DIP2A: variants seen among roughly 807,000 people sequenced by gnomAD.
DIP2A encodes the protein DIP2 acetate--CoA ligase A, also known as disco-interacting protein 2 homolog A.
Under a neutral mutation model 177.4 loss-of-function variants are expected in DIP2A, and 85 were observed. The observed-to-expected ratio is 0.48, with a 90% confidence interval of 0.40 to 0.57. The LOEUF is 0.57. Among genes scored for constraint, DIP2A ranks in the 20% least tolerant of loss-of-function variants. DIP2A has a pLI of 0.00. For missense variants in DIP2A, 1,791 were observed against 2,100.2 expected, an observed-to-expected ratio of 0.85 and a Z score of 2.88; for synonymous variants, 886 against 881.8, an observed-to-expected ratio of 1.00 and a Z score of -0.08.
At chr21:46,472,973 G>C (rs1289620980) in intron 1 of DIP2A, among the ~76,000 whole-genome samples, 1 of 152,218 alleles carries the variant, frequency 6.6e-6, no homozygotes, top group Non-Finnish European at 1.5e-5. Flanking sequence ...AATGTGGGTA[G>C]TGGGACGAGG....
intron 3 of DIP2A, among the ~76,000 whole-genome samples, chr21:46,496,145 C>G (rs2057347413): frequency 6.6e-6 from 1 of 152,034 alleles, no homozygotes; most frequent in South Asian, 2.1e-4. Flanking sequence ...AAACGATCCT[C>G]CTGCCTCAGC....
chr21:46,575,501 C>T, the DIP2A span, among the ~76,000 whole-genome samples: 1 of 152,050 alleles, frequency 6.6e-6, no homozygotes, highest in Admixed American at 6.6e-5. Context: ...GATATAATCT[C>T]ATATGTAGAA....
chr21:46,513,245 A>T (rs1216653409), intron 8 of DIP2A, among the ~76,000 whole-genome samples: 1 of 152,130 alleles, frequency 6.6e-6, no homozygotes, highest in Non-Finnish European at 1.5e-5. Flanking sequence ...GTGATGATCC[A>T]TTTAGAATTT....
intron 32 of DIP2A, among the ~76,000 whole-genome samples, chr21:46,560,295 A>G (rs967427343): frequency 1.3e-5 from 2 of 152,234 alleles, no homozygotes; most frequent in African/African-American, 2.4e-5. Context: ...GCTGCCATCC[A>G]TCTCACCTGA....
At chr21:46,461,029 G>A (rs1210672166) in intron 1 of DIP2A, among the ~76,000 whole-genome samples, 1 of 151,332 alleles carries the variant, frequency 6.6e-6, no homozygotes, top group East Asian at 2.0e-4. Flanking sequence ...TACAGGCTGA[G>A]TACACAGTGG....
At chr21:46,518,258 G>A (rs746933383) in intron 8 of DIP2A, among the ~76,000 whole-genome samples, 35 of 152,164 alleles carry the variant, frequency 2.3e-4, no homozygotes, top group South Asian at 1.0e-3. Context: ...TGTTTCTGAA[G>A]GTTGAGTACT....
At chr21:46,549,506 A>T (rs1163794588) in intron 21 of DIP2A, among the ~76,000 whole-genome samples, 2 of 152,156 alleles carry the variant, frequency 1.3e-5, no homozygotes, top group African/African-American at 4.8e-5. Flanking sequence ...AGATTAAGGA[A>T]TTTTTTCTTG....
intron 21 of DIP2A, among the ~76,000 whole-genome samples, chr21:46,549,514 T>A (rs2060189803): frequency 6.6e-6 from 1 of 152,368 alleles, no homozygotes; most frequent in African/African-American, 2.4e-5. Flanking sequence ...GAATTTTTTC[T>A]TGTAAAAATG....
downstream of DIP2A, among the ~76,000 whole-genome samples, chr21:46,571,728 G>A (rs1434513571): frequency 6.6e-6 from 1 of 152,164 alleles, no homozygotes; most frequent in Non-Finnish European, 1.5e-5. Context: ...AAGAATGCTT[G>A]TGATTTTTGC....
intron 8 of DIP2A, among the ~76,000 whole-genome samples, chr21:46,524,720 A>T (rs1308471817): frequency 6.6e-6 from 1 of 152,046 alleles, no homozygotes; most frequent in East Asian, 1.9e-4. Context: ...ATTTATAGGA[A>T]TTTTTTATAT....
chr21:46,459,117 C>CT lies in DIP2A; in HGVS notation c.-14dup, dbSNP rs1357453891. On this transcript the variant is annotated 5_prime_UTR_variant, in exon 1 of 38. Coordinates refer to ENST00000417564, the MANE Select transcript of DIP2A (RefSeq NM_015151.4). ...TCCGGTTCCAGCCTCTGCCCGGACG[C>CT]TAGCCGGCCTGGCCATGGCTGACCG... 6.7e-7 allele frequency: 1 copy of CT among 1,482,144 alleles called. No homozygotes were observed. The allele number at this position is 1,482,144 out of a possible 1,614,324, so 91.8% of individuals were successfully genotyped here.
Position 46,496,918 on chromosome 21 carries a change from A to G in DIP2A, c.284-70A>G, listed in dbSNP as rs572277026. 4.2e-5 allele frequency: 62 copies of G among 1,462,602 alleles called. 2 individuals are homozygous for G. In the East Asian group the frequency reaches 1.6e-3, roughly 37 times the overall value. 90.6% of individuals were successfully genotyped at this position (1,462,602 alleles called of 1,614,324 possible). A position where few individuals can be genotyped will look rare whatever the true frequency, so the allele number is the denominator to read the frequency against. ...ACCCCCACTGAAAACAAACAAAAACATGAAACTTAATTTGTTACTTTATAA... is the reference window on the plus strand; with the variant it reads ...ACCCCCACTGAAAACAAACAAAAACGTGAAACTTAATTTGTTACTTTATAA... On this transcript the variant is annotated intron_variant, in intron 3 of 37. Coordinates refer to ENST00000417564, the MANE Select transcript of DIP2A (RefSeq NM_015151.4).
At position 46,547,043 on chromosome 21, in the gene DIP2A, G is replaced by A; in HGVS notation, c.2522+1G>A. On this transcript the variant is annotated splice_donor_variant, in intron 21 of 37. Coordinates refer to ENST00000417564, the MANE Select transcript of DIP2A (RefSeq NM_015151.4). LOFTEE classifies it high-confidence loss of function. The stretch of plus-strand genomic sequence containing the variant: ...CCATGAAGTTTGTCTACAGAGGCAG[G>A]TGATGCGCTGCGGACCCCCACGCCG... 6.2e-7 allele frequency: 1 copy of A among 1,613,562 alleles called. No individual in the cohort carries two copies. The highest frequency in any genetic ancestry group is 8.5e-7 in the Non-Finnish European group (1 of 1,179,528).
chr21:46,484,720 A>G (rs2056573045), intron 1 of DIP2A, 37 bp from the exon 2 acceptor site: 1 of 1,514,418 alleles, frequency 6.6e-7, no homozygotes, highest in Non-Finnish European at 8.8e-7. Flanking sequence ...TTGGAATTGT[A>G]GAAGAAATGC....
At chr21:46,491,889 A>G (rs1268355158) in intron 3 of DIP2A, among the ~76,000 whole-genome samples, 2 of 152,200 alleles carry the variant, frequency 1.3e-5, no homozygotes, top group Non-Finnish European at 2.9e-5. Context: ...GTCTTTTATC[A>G]TAAATATGAT....
At chr21:46,535,069 G>C (rs2059508430) in intron 13 of DIP2A, among the ~76,000 whole-genome samples, 1 of 152,186 alleles carries the variant, frequency 6.6e-6, no homozygotes, top group Non-Finnish European at 1.5e-5. Flanking sequence ...GAGGGTCAGG[G>C]CATTTTTCAT....
chr21:46,541,831 A>G lies in DIP2A; in HGVS notation c.2112A>G (p.Arg704=). 6.2e-7 allele frequency: 1 copy of G among 1,614,030 alleles called. No individual in the cohort carries two copies. Among genetic ancestry groups the G allele is most frequent in the South Asian group, 1.1e-5 (1 of 91,088 alleles). The part of the protein sequence containing the change: ...SMNGLSYGVI[R]VDTEEKLSVL... ...ACGGTCTAAGTTATGGTGTTATCAG[A>G]GTGGATACTGAAGAAAAGTTGTCAG... is the stretch of plus-strand genomic sequence containing the variant. The change falls in exon 18 of 38, where the codon AGA becomes AGG. Residue 704 remains arginine, a synonymous_variant. Transcript: ENST00000417564.
At chr21:46,470,120 C>G (rs943310565) in intron 1 of DIP2A, among the ~76,000 whole-genome samples, 1 of 149,794 alleles carries the variant, frequency 6.7e-6, no homozygotes, top group Non-Finnish European at 1.5e-5. Flanking sequence ...GGCGGATCAC[C>G]TGAGGTCAGG....
At chr21:46,503,794 CA>C (rs1311352270) in intron 5 of DIP2A, among the ~76,000 whole-genome samples, 1 of 151,724 alleles carries the variant, frequency 6.6e-6, no homozygotes, top group Non-Finnish European at 1.5e-5. Context: ...GGTGCAATCT[CA>C]GCTCACTGCA....
Sources: gnomAD v4.1 joint callset for allele counts (sites outside exome capture counted in the v4.1 genomes callset) on GRCh38, gnomAD v4.1.1 for gene constraint, MANE v1.5 for transcripts, NCBI Gene and HGNC (gene_info 2026-07-23, HGNC 2026-07-21) for gene names.